The following STX18 variants were observed in gnomAD, a reference collection of about 807,000 sequenced individuals.
The protein encoded by STX18 is syntaxin 18.
In STX18, 40 loss-of-function variants were observed where a neutral mutation model predicts 50.1. The ratio of observed to expected loss-of-function variants is 0.80; its 90% CI spans 0.62 to 1.04. STX18 has a LOEUF of 1.04. Among genes scored for constraint, STX18 ranks in the 50% least tolerant of loss-of-function variants. The pLI is 0.00. For missense variants in STX18, 410 were observed against 415.8 expected, an observed-to-expected ratio of 0.99 and a Z score of 0.12; for synonymous variants, 158 against 151.8, an observed-to-expected ratio of 1.04 and a Z score of -0.30.
At chr4:4,493,003 A>G (rs1729009238) in intron 1 of STX18, among the ~76,000 whole-genome samples, 1 of 152,196 alleles carries the variant, frequency 6.6e-6, no homozygotes, top group Non-Finnish European at 1.5e-5. Flanking sequence ...AGTTATTCAC[A>G]TTCTGATTCC....
chr4:4,446,648 A>G (rs1193929172), intron 5 of STX18, among the ~76,000 whole-genome samples: 5 of 152,268 alleles, frequency 3.3e-5, no homozygotes, highest in African/African-American at 1.2e-4. Flanking sequence ...AAAATGGCCA[A>G]TGCCAAATCC....
At chr4:4,454,724 A>C (rs1726976387) in intron 5 of STX18, among the ~76,000 whole-genome samples, 1 of 152,164 alleles carries the variant, frequency 6.6e-6, no homozygotes, top group South Asian at 2.1e-4. Flanking sequence ...TTGCTTGAGA[A>C]ATCTGCTCCA....
chr4:4,537,112 T>G (rs1731378828), intron 1 of STX18, among the ~76,000 whole-genome samples: 1 of 152,196 alleles, frequency 6.6e-6, no homozygotes, highest in African/African-American at 2.4e-5. Flanking sequence ...CTTACCTGTG[T>G]GGTAGCCCCC....
At chr4:4,441,708 A>T (rs533470795) in intron 5 of STX18, among the ~76,000 whole-genome samples, 1 of 152,186 alleles carries the variant, frequency 6.6e-6, no homozygotes, top group Non-Finnish European at 1.5e-5. Context: ...TGTGATCCCA[A>T]TAAAAAAACA....
Position 4,514,732 on chromosome 4 carries a change from C to T in STX18, c.168+27065G>A, listed in dbSNP as rs1340675757. On this transcript the variant is annotated intron_variant, in intron 1 of 10. Transcript: ENST00000306200. ...CAAACCACCAAAGGAGGTACCCATACATTAGGTAATGAAAGCAGGAACTAG... is the reference window on the plus strand; with the variant it reads ...CAAACCACCAAAGGAGGTACCCATATATTAGGTAATGAAAGCAGGAACTAG... Among the ~76,000 whole-genome samples the T allele has an allele frequency of 2.6e-5, 4 of 151,636 alleles. No individual in the cohort carries two copies. The South Asian group carries it at 6.2e-4, about 24-fold the overall frequency.
At chr4:4,504,660 CTT>C in intron 1 of STX18, among the ~76,000 whole-genome samples, 1 of 152,220 alleles carries the variant, frequency 6.6e-6, no homozygotes, top group Non-Finnish European at 1.5e-5. Flanking sequence ...AGGCAAAAGA[CTT>C]GAACAGACAC....
intron 1 of STX18, among the ~76,000 whole-genome samples, chr4:4,519,114 GACCACAGTAACAA>G (rs1730406972): frequency 6.6e-6 from 1 of 152,078 alleles, no homozygotes. Context: ...ATCACGGTGT[GACCACAGTAACAA>G]ACACATTATT....
rs974411002 is a variant in STX18 at position 4,420,717 on chromosome 4, G to A, written c.912+147C>T. 2.4e-5 allele frequency: 17 copies of A among 704,396 alleles called. 1 individual carries two copies. The highest frequency in any genetic ancestry group is 1.2e-4 in the South Asian group (7 of 57,318). The allele number at this position is 704,396 out of a possible 1,614,324, so 43.6% of individuals were successfully genotyped here. A position where few individuals can be genotyped will look rare whatever the true frequency, so the allele number is the denominator to read the frequency against. ...CAGGTGGTGGGTCTCATGAACACAC[G>A]CAGCTCCGCGGTCACACAATTTTGT... On this transcript the variant is annotated intron_variant, in intron 10 of 10. Transcript: ENST00000306200. This position sits in a 1 kb window ranked among gnomAD's most constrained non-coding sequence, Gnocchi z 4.3.
chr4:4,436,165 T>C (rs1725764784), intron 6 of STX18, among the ~76,000 whole-genome samples: 1 of 152,206 alleles, frequency 6.6e-6, no homozygotes. Flanking sequence ...GAAAGCTCAC[T>C]AGGCAGGCCA....
At chr4:4,484,607 G>C (rs555351025) in intron 1 of STX18, among the ~76,000 whole-genome samples, 1 of 152,300 alleles carries the variant, frequency 6.6e-6, no homozygotes, top group Non-Finnish European at 1.5e-5. Flanking sequence ...CCTCCCTGTA[G>C]ACAGCCAGCT....
chr4:4,427,121 G>T (rs1035688580), intron 7 of STX18, among the ~76,000 whole-genome samples: 1 of 152,190 alleles, frequency 6.6e-6, no homozygotes, highest in Non-Finnish European at 1.5e-5. Context: ...GTCCTCCTTT[G>T]GACACTGAGC....
At chr4:4,483,648 C>T (rs1295770068) in intron 1 of STX18, among the ~76,000 whole-genome samples, 1 of 152,208 alleles carries the variant, frequency 6.6e-6, no homozygotes. Flanking sequence ...GACTACCTCC[C>T]TGCTTGGATG....
chr4:4,447,592 C>CCA (rs1726491752), intron 5 of STX18, among the ~76,000 whole-genome samples: 1 of 45,878 alleles, frequency 2.2e-5, no homozygotes, highest in East Asian at 1.2e-3. Flanking sequence ...CTCCGTCTCA[C>CCA]AAAAAAAAAA....
At chr4:4,472,344 C>T (rs1337473069) in intron 1 of STX18, among the ~76,000 whole-genome samples, 1 of 152,186 alleles carries the variant, frequency 6.6e-6, no homozygotes, top group Non-Finnish European at 1.5e-5. Flanking sequence ...ACTAGCAATT[C>T]ACAAATAAAT....
At chr4:4,529,320 C>T (rs1447833979) in intron 1 of STX18, among the ~76,000 whole-genome samples, 1 of 152,120 alleles carries the variant, frequency 6.6e-6, no homozygotes, top group East Asian at 1.9e-4. Flanking sequence ...CAAGATCGCG[C>T]CACTGCACTC....
intron 9 of STX18, among the ~76,000 whole-genome samples, chr4:4,421,472 C>G (rs1724961574): frequency 6.6e-6 from 1 of 152,126 alleles, no homozygotes; most frequent in Non-Finnish European, 1.5e-5. Context: ...CCAGGCTGGT[C>G]TTGAACTCTT....
In STX18 at chr4:4,420,199, C is replaced by G. The variant is rs1421534701; in HGVS notation, c.913-70G>C. On this transcript the variant is annotated intron_variant, in intron 10 of 10. Coordinates refer to ENST00000306200, the MANE Select transcript of STX18 (RefSeq NM_016930.4). This position sits in a 1 kb window ranked among gnomAD's most constrained non-coding sequence, Gnocchi z 4.3. Reference sequence around the variant, plus strand: ...TGGTTTGAGCAGCCCTGAAATGCCCCCCTCTTCCCACGTGCTCTCCTGATC... The same window carrying G: ...TGGTTTGAGCAGCCCTGAAATGCCCGCCTCTTCCCACGTGCTCTCCTGATC... The G allele has an allele frequency of 8.0e-7, 1 of 1,252,880 alleles. No individual in the cohort carries two copies. Among genetic ancestry groups the G allele is most frequent in the Non-Finnish European group, 1.1e-6 (1 of 882,070 alleles). 77.6% of individuals were successfully genotyped at this position (1,252,880 alleles called of 1,614,324 possible). A position where few individuals can be genotyped will look rare whatever the true frequency, so the allele number is the denominator to read the frequency against.
Position 4,420,742 on chromosome 4 carries a change from T to A in STX18, c.912+122A>T. 1 of 863,602 alleles carries A rather than the reference T, an allele frequency of 1.2e-6. No individual in the cohort carries two copies. Among genetic ancestry groups the A allele is most frequent in the Non-Finnish European group, 1.9e-6 (1 of 532,618 alleles). 53.5% of individuals were successfully genotyped at this position (863,602 alleles called of 1,614,324 possible). On this transcript the variant is annotated intron_variant, in intron 10 of 10. Transcript: ENST00000306200. The surrounding 1 kb of genome is among the most constrained non-coding windows in gnomAD (Gnocchi z 4.3). The stretch of plus-strand genomic sequence containing the variant: ...GCAGCTCCGCGGTCACACAATTTTG[T>A]GATCAGCCCCGTGAGCTCTGCCCAG...
chr4:4,509,930 G>A (rs1490625564), intron 1 of STX18, among the ~76,000 whole-genome samples: 5 of 152,144 alleles, frequency 3.3e-5, no homozygotes, highest in East Asian at 1.9e-4. Flanking sequence ...TCAAGCATGC[G>A]TGAAGAACAG....
Sources: allele counts gnomAD v4.1 joint callset (sites outside exome capture counted in the v4.1 genomes callset), GRCh38; gene constraint gnomAD v4.1.1; non-coding constraint Gnocchi (gnomAD v3.1); transcripts MANE v1.5; gene names NCBI Gene and HGNC (gene_info 2026-07-23, HGNC 2026-07-21).